The following TMEM123 variants were observed in gnomAD, a reference collection of about 807,000 sequenced individuals.
TMEM123 encodes porimin.
In TMEM123, 16 loss-of-function variants were observed where a neutral mutation model predicts 19.7. The observed-to-expected ratio is 0.81, with a 90% CI of 0.55 to 1.23. The LOEUF (loss-of-function observed/expected upper bound fraction) is 1.23. Among genes scored for constraint, TMEM123 ranks in the 50% most tolerant of loss-of-function variants. The pLI is 0.00. For missense variants in TMEM123, 313 were observed against 257.8 expected, an observed-to-expected ratio of 1.21 and a Z score of -1.47; for synonymous variants, 118 against 99.4, an observed-to-expected ratio of 1.19 and a Z score of -1.12.
intron 2 of TMEM123, among the ~76,000 whole-genome samples, chr11:102,404,359 G>T (rs1300433190): frequency 6.6e-6 from 1 of 150,896 alleles, no homozygotes; most frequent in Admixed American, 6.6e-5. Context: ...TCTCGGCTCA[G>T]GGCAACCTCC....
intron 2 of TMEM123, among the ~76,000 whole-genome samples, chr11:102,414,360 A>T (rs2135849124): frequency 6.6e-6 from 1 of 152,322 alleles, no homozygotes; most frequent in East Asian, 1.9e-4. Flanking sequence ...AACTCCTGCA[A>T]GATACCATAC....
At chr11:102,410,431 C>A (rs557312083) in intron 2 of TMEM123, among the ~76,000 whole-genome samples, 3 of 151,458 alleles carry the variant, frequency 2.0e-5, no homozygotes, top group Non-Finnish European at 4.4e-5. Context: ...AGTGTCCAGG[C>A]TTCCTTACGC....
intron 2 of TMEM123, among the ~76,000 whole-genome samples, chr11:102,447,008 T>C (rs1857891563): frequency 6.6e-6 from 1 of 152,220 alleles, no homozygotes; most frequent in African/African-American, 2.4e-5. Context: ...GCATCCATCC[T>C]ATAAAAATAC....
Position 102,398,800 on chromosome 11 carries a change from T to G in TMEM123, c.*67A>C. On this transcript the variant is annotated 3_prime_UTR_variant, in exon 5 of 5. Coordinates refer to ENST00000398136, the MANE Select transcript of TMEM123 (RefSeq NM_052932.3). Reference sequence around the variant, plus strand: ...AAAAAGAGAATATTGTTTTAAACTATTAATAAACCAAAATTAATTGATAGG... The same window carrying G: ...AAAAAGAGAATATTGTTTTAAACTAGTAATAAACCAAAATTAATTGATAGG... 4.6e-6 allele frequency: 7 copies of G among 1,534,720 alleles called. No individual in the cohort carries two copies. The highest frequency in any genetic ancestry group is 5.4e-6 in the Non-Finnish European group (6 of 1,117,416).
chr11:102,428,158 CAA>C (rs930900770), intron 2 of TMEM123, among the ~76,000 whole-genome samples: 2 of 152,044 alleles, frequency 1.3e-5, no homozygotes, highest in African/African-American at 2.4e-5. Context: ...AAGAAAAAAA[CAA>C]GAGTACATTA....
At chr11:102,405,799 A>G (rs1565347617) in intron 2 of TMEM123, among the ~76,000 whole-genome samples, 1 of 152,218 alleles carries the variant, frequency 6.6e-6, no homozygotes, top group Non-Finnish European at 1.5e-5. Context: ...AGTCAATCCA[A>G]ATGTGCTAAA....
Position 102,396,348 on chromosome 11 carries a change from AT to A in TMEM123, c.*2518del, listed in dbSNP as rs1171485932. The A allele has an allele frequency of 6.6e-6, 1 of 152,206 alleles. No homozygotes were observed. Among genetic ancestry groups the A allele is most frequent in the African/African-American group, 2.4e-5 (1 of 41,460 alleles). 9.4% of individuals were successfully genotyped at this position (152,206 alleles called of 1,614,324 possible). A position where few individuals can be genotyped will look rare whatever the true frequency, so the allele number is the denominator to read the frequency against. On this transcript the variant is annotated 3_prime_UTR_variant, in exon 5 of 5. Coordinates refer to ENST00000398136, the MANE Select transcript of TMEM123 (RefSeq NM_052932.3). ...ACTTAAAACTTTTAGAAGGAGAACA[AT>A]TTTATTCTAAAAATAGAACTTGGTA...
At chr11:102,437,553 T>C (rs1330070410) in intron 2 of TMEM123, among the ~76,000 whole-genome samples, 1 of 152,162 alleles carries the variant, frequency 6.6e-6, no homozygotes, top group African/African-American at 2.4e-5. Flanking sequence ...GTCCTTAATC[T>C]GAATTGGAAG....
intron 2 of TMEM123, among the ~76,000 whole-genome samples, chr11:102,413,330 G>A (rs966279270): frequency 3.9e-5 from 6 of 152,130 alleles, no homozygotes; most frequent in Admixed American, 2.6e-4. Context: ...AAACCATCTC[G>A]AGATGGTTCC....
intron 2 of TMEM123, among the ~76,000 whole-genome samples, chr11:102,440,567 G>C (rs984869550): frequency 2.6e-5 from 4 of 152,114 alleles, no homozygotes; most frequent in African/African-American, 7.2e-5. Flanking sequence ...ACATGGAAAG[G>C]AACAACCGTA....
chr11:102,447,703 T>C (rs927087514), intron 2 of TMEM123, among the ~76,000 whole-genome samples: 3 of 152,208 alleles, frequency 2.0e-5, no homozygotes, highest in Admixed American at 6.5e-5. Context: ...CTATTACATT[T>C]TGGAGTAATC....
chr11:102,429,659 C>A (rs1226324854), intron 2 of TMEM123, among the ~76,000 whole-genome samples: 2 of 152,152 alleles, frequency 1.3e-5, no homozygotes, highest in African/African-American at 4.8e-5. Flanking sequence ...AAAGTAAACT[C>A]CTGACAATCA....
intron 2 of TMEM123, among the ~76,000 whole-genome samples, chr11:102,448,604 C>A (rs1857907448): frequency 6.6e-6 from 1 of 152,170 alleles, no homozygotes; most frequent in African/African-American, 2.4e-5. Flanking sequence ...TTATTGACAT[C>A]TTTACAAGAC....
chr11:102,452,263 C>T (rs1857949353), intron 1 of TMEM123: 5 of 370,570 alleles, frequency 1.3e-5, no homozygotes, highest in Non-Finnish European at 2.4e-5. Context: ...GTTATGCGCA[C>T]CCGTCCCGGC....
chr11:102,428,854 G>T (rs182505981), intron 2 of TMEM123, among the ~76,000 whole-genome samples: 5 of 152,250 alleles, frequency 3.3e-5, no homozygotes, highest in Non-Finnish European at 5.9e-5. Flanking sequence ...GTAACTACTG[G>T]CCACCAAGTC....
chr11:102,399,052 G>A (rs760610136), intron 4 of TMEM123, among the ~76,000 whole-genome samples, 161 bp from the exon 5 acceptor site: 47 of 152,334 alleles, frequency 3.1e-4, no homozygotes, highest in Admixed American at 5.9e-4. Flanking sequence ...ATATACTGTA[G>A]TGGTTAAAGA....
chr11:102,400,706 C>G (rs192701714), intron 4 of TMEM123, among the ~76,000 whole-genome samples: 159 of 152,306 alleles, frequency 1.0e-3, no homozygotes, highest in Non-Finnish European at 2.0e-3. Context: ...AATACCCTTA[C>G]AATTAGAGGT....
intron 2 of TMEM123, among the ~76,000 whole-genome samples, chr11:102,431,111 A>G (rs146354479): frequency 3.1e-4 from 47 of 152,336 alleles, no homozygotes; most frequent in African/African-American, 3.4e-4. Flanking sequence ...CCATTTTAGG[A>G]AACTGTGCTT....
At chr11:102,449,135 C>CA (rs1857913187) in intron 1 of TMEM123, 1 of 329,540 alleles carries the variant, frequency 3.0e-6, no homozygotes. Context: ...CCACCGAATG[C>CA]AACAGCTTTG....
Sources: gnomAD v4.1 joint callset for allele counts (sites outside exome capture counted in the v4.1 genomes callset) on GRCh38, gnomAD v4.1.1 for gene constraint, MANE v1.5 for transcripts, NCBI Gene and HGNC (gene_info 2026-07-23, HGNC 2026-07-21) for gene names.